Variants in CERS3 observed in about 807,000 individuals in gnomAD.
CERS3 encodes the protein ceramide synthase 3.
In CERS3, 33 loss-of-function variants were observed where a neutral mutation model predicts 50.3. The ratio of observed to expected loss-of-function variants is 0.66; its 90% CI spans 0.50 to 0.88. The LOEUF (loss-of-function observed/expected upper bound fraction) is 0.88, where lower values mean the gene tolerates loss of function less well. Ranked by LOEUF, CERS3 falls within the 40% of genes least tolerant of loss-of-function variation. The pLI, the probability that CERS3 is intolerant of heterozygous loss-of-function variation, is 0.00. For synonymous variants in CERS3, 176 were observed against 155.2 expected (o/e 1.13, Z -0.99); for missense variants, 470 against 460.3 (o/e 1.02, Z -0.19).
intron 11 of CERS3, among the ~76,000 whole-genome samples, chr15:100,424,034 C>T (rs574595807): frequency 3.4e-4 from 52 of 152,018 alleles, no homozygotes; most frequent in Middle Eastern, 6.8e-3. Flanking sequence ...CTCCACCTCC[C>T]GAGTTTAAGT....
chr15:100,466,978 C>T (rs1596711398), intron 10 of CERS3, among the ~76,000 whole-genome samples: 1 of 151,624 alleles, frequency 6.6e-6, no homozygotes, highest in Admixed American at 6.6e-5. Flanking sequence ...CTCAGGCTCC[C>T]GAGTGGCTGG....
intron 9 of CERS3, among the ~76,000 whole-genome samples, chr15:100,470,160 C>T (rs943771375): frequency 1.3e-5 from 2 of 152,028 alleles, no homozygotes; most frequent in African/African-American, 4.8e-5. Flanking sequence ...GTGTCCAGGG[C>T]TGAAGAGGGA....
chr15:100,476,410 A>C (rs1363135101), intron 7 of CERS3, among the ~76,000 whole-genome samples: 1 of 152,232 alleles, frequency 6.6e-6, no homozygotes, highest in Non-Finnish European at 1.5e-5. Flanking sequence ...TGTTTTGTTT[A>C]AAAAATTAAA....
intron 11 of CERS3, among the ~76,000 whole-genome samples, chr15:100,441,121 G>A (rs1273293513): frequency 2.0e-5 from 3 of 151,954 alleles, no homozygotes; most frequent in Non-Finnish European, 4.4e-5. Context: ...TCTGCGCCCT[G>A]ATCCCTTATT....
intron 11 of CERS3, among the ~76,000 whole-genome samples, chr15:100,440,968 T>G (rs1596664985): frequency 6.6e-6 from 1 of 152,196 alleles, no homozygotes; most frequent in Non-Finnish European, 1.5e-5. Context: ...CCCTTGGTGT[T>G]TAATCATTGC....
At chr15:100,480,084 G>A (rs1023176178) in intron 5 of CERS3, 38 bp from the exon 6 acceptor site, 1 of 1,479,230 alleles carries the variant, frequency 6.8e-7, no homozygotes, top group Admixed American at 1.8e-5. Context: ...CCCTTGTAAA[G>A]GTAACTGAGA....
chr15:100,543,294 C>T (rs968266013), intron 1 of CERS3, among the ~76,000 whole-genome samples: 7 of 152,174 alleles, frequency 4.6e-5, no homozygotes, highest in Non-Finnish European at 1.5e-5. Context: ...TAATGCATGA[C>T]GATGCACACT....
At chr15:100,454,196 T>C (rs2034276961) in intron 11 of CERS3, among the ~76,000 whole-genome samples, 2 of 151,958 alleles carry the variant, frequency 1.3e-5, no homozygotes, top group Non-Finnish European at 2.9e-5. Context: ...TTTGAGACCA[T>C]CCTGGAAAAC....
intron 2 of CERS3, among the ~76,000 whole-genome samples, chr15:100,511,221 G>A (rs111255536): frequency 0.023 from 3,449 of 152,190 alleles, 152 homozygotes; most frequent in African/African-American, 0.078. Flanking sequence ...CCCTGGAGGC[G>A]GAGGTTGTAG....
At chr15:100,521,270 A>G (rs79807776) in intron 2 of CERS3, among the ~76,000 whole-genome samples, 3,778 of 152,240 alleles carry the variant, frequency 0.025, 114 homozygotes, top group Admixed American at 0.09. Context: ...ATTTTGAAGG[A>G]ATGTGGTTTT....
intron 11 of CERS3, among the ~76,000 whole-genome samples, chr15:100,441,054 C>A (rs1478513140): frequency 6.6e-6 from 1 of 152,192 alleles, no homozygotes; most frequent in African/African-American, 2.4e-5. Flanking sequence ...TGGTCCTTCA[C>A]CCTTAGCGGC....
chr15:100,494,083 G>A (rs2035732697), intron 3 of CERS3, among the ~76,000 whole-genome samples: 1 of 151,150 alleles, frequency 6.6e-6, no homozygotes, highest in African/African-American at 2.4e-5. Context: ...AGTTTTTGTT[G>A]AAAATTGGAC....
rs2032545490 is a variant in CERS3 at position 100,422,902 on chromosome 15, A to T, written c.1000-20037T>A. 2.4e-5 allele frequency among the ~76,000 whole-genome samples: 3 copies of T among 122,508 alleles called. No individual in the cohort carries two copies. The South Asian group carries it at 8.6e-4, about 35-fold the overall frequency. 80.4% of individuals were successfully genotyped at this position (122,508 alleles called of 152,430 possible). A position where few individuals can be genotyped will look rare whatever the true frequency, so the allele number is the denominator to read the frequency against. ...TTGAACAATGAGATCACATGGACAC[A>T]GGAAGGGGAATATCACACTCTGGGG... On this transcript the variant is annotated intron_variant, in intron 11 of 11. Transcript: ENST00000679737.
intron 9 of CERS3, 30 bp downstream of exon 9, chr15:100,472,894 G>T: frequency 6.2e-7 from 1 of 1,613,302 alleles, no homozygotes. Flanking sequence ...ACATGGTATT[G>T]TCATTAGTTT....
At chr15:100,538,191 G>A (rs1456400181) in intron 1 of CERS3, among the ~76,000 whole-genome samples, 2 of 152,180 alleles carry the variant, frequency 1.3e-5, no homozygotes, top group Non-Finnish European at 2.9e-5. Flanking sequence ...GCTCCCAGCT[G>A]TTTTCACAGG....
intron 11 of CERS3, among the ~76,000 whole-genome samples, chr15:100,418,071 G>T (rs955731238): frequency 1.3e-5 from 2 of 152,082 alleles, no homozygotes; most frequent in African/African-American, 4.8e-5. Context: ...ACGGAACAAA[G>T]CTGGATGGAG....
At chr15:100,436,317 T>G (rs1241257452) in intron 11 of CERS3, among the ~76,000 whole-genome samples, 1 of 152,194 alleles carries the variant, frequency 6.6e-6, no homozygotes, top group Non-Finnish European at 1.5e-5. Context: ...TTCATGTCCT[T>G]TGCAGGAACG....
chr15:100,535,622 C>T (rs1053367754), intron 1 of CERS3, among the ~76,000 whole-genome samples: 14 of 149,906 alleles, frequency 9.3e-5, no homozygotes, highest in East Asian at 2.0e-4. Flanking sequence ...TATGTAAGCA[C>T]GATTAGAAGT....
chr15:100,474,955 T>C (rs529226111), intron 8 of CERS3, among the ~76,000 whole-genome samples: 56 of 152,302 alleles, frequency 3.7e-4, no homozygotes, highest in African/African-American at 1.2e-3. Context: ...TTAACATATA[T>C]TTATATTTAA....
Sources: allele counts gnomAD v4.1 joint callset (sites outside exome capture counted in the v4.1 genomes callset), GRCh38; gene constraint gnomAD v4.1.1; transcripts MANE v1.5; gene names NCBI Gene and HGNC (gene_info 2026-07-23, HGNC 2026-07-21).